BCOR: variants seen among roughly 807,000 people sequenced by gnomAD.
BCOR encodes BCL6 corepressor, also known as BCL-6 corepressor.
A neutral mutation model predicts 86.7 loss-of-function variants in BCOR; 10 were observed. The observed-to-expected ratio is 0.12, with a 90% CI of 0.07 to 0.20. The LOEUF (loss-of-function observed/expected upper bound fraction) is 0.20, where lower values mean the gene tolerates loss of function less well. Ranked by LOEUF, BCOR falls within the 10% of genes least tolerant of loss-of-function variation. The probability of loss-of-function intolerance (pLI) is 1.00; values close to 1 mark genes in which losing one functional copy is unlikely to be tolerated. For synonymous variants in BCOR, 611 were observed against 609.0 expected, an observed-to-expected ratio of 1.00 and a Z score of -0.05; for missense variants, 1,259 against 1,452.1, an observed-to-expected ratio of 0.87 and a Z score of 2.16.
Position 40,064,367 on chromosome X carries a change from C to T in BCOR, c.3471G>A (p.Leu1157=). The change falls in exon 7 of 15, where the codon CTG becomes CTA. Residue 1157 remains leucine (L), a synonymous_variant. Coordinates refer to ENST00000378444, the MANE Select transcript of BCOR (RefSeq NM_001123385.2). Reference sequence around the variant, plus strand: ...AGACTCGTCGGCGTTTGGCTTTCAGCAGAGGGTCCTCTGGCACCTCCTCCG... The same window carrying T: ...AGACTCGTCGGCGTTTGGCTTTCAGTAGAGGGTCCTCTGGCACCTCCTCCG... ...TTAEEVPEDP[L]LKAKRRRVSK... is the part of the protein sequence containing the mutation. 8.2e-7 allele frequency: 1 copy of T among 1,212,480 alleles called. No homozygotes were observed. Among genetic ancestry groups the T allele is most frequent in the Non-Finnish European group, 1.1e-6 (1 of 895,659 alleles).
Position 40,074,785 on chromosome X carries a change from C to T in BCOR, c.561G>A (p.Leu187=). The T allele has an allele frequency of 1.7e-6, 2 of 1,211,917 alleles. No individual in the cohort carries two copies. Among genetic ancestry groups the T allele is most frequent in the Non-Finnish European group, 2.2e-6 (2 of 895,558 alleles). The change falls in exon 4 of 15, where the codon CTG becomes CTA. Residue 187 remains leucine (L), a synonymous_variant. Transcript: ENST00000378444. ...SPLNINGASY[L]RLPWVNPYME... is the part of the protein sequence containing the mutation. Reference sequence around the variant, plus strand: ...TGTAAGGATTGACCCAGGGCAGCCGCAGATAACTAGCACCATTGATGTTGA... The same window carrying T: ...TGTAAGGATTGACCCAGGGCAGCCGTAGATAACTAGCACCATTGATGTTGA...
At chrX:40,091,569 G>A (rs899921772) in intron 1 of BCOR, among the ~76,000 whole-genome samples, 1 of 112,867 alleles carries the variant, frequency 8.9e-6, no homozygotes, top group Admixed American at 9.3e-5. Flanking sequence ...TCGCAGAAAG[G>A]CATCGTTAAT....
upstream of BCOR, among the ~76,000 whole-genome samples, chrX:40,098,437 C>A (rs1048802418): frequency 7.2e-5 from 8 of 110,968 alleles, no homozygotes; most frequent in African/African-American, 2.6e-4. Flanking sequence ...GCGGCGGCGG[C>A]GAGGGCTGCC....
intron 1 of BCOR, among the ~76,000 whole-genome samples, chrX:40,116,225 C>T (rs757043055): frequency 1.3e-3 from 145 of 111,986 alleles, no homozygotes; most frequent in Non-Finnish European, 2.2e-3. Flanking sequence ...TGGCTGGGCG[C>T]GGTGGCTCAC....
At chrX:40,101,355 CAG>C (rs1569178911), upstream of BCOR, among the ~76,000 whole-genome samples, 1 of 111,910 alleles carries the variant, frequency 8.9e-6, no homozygotes, top group Non-Finnish European at 1.9e-5. Context: ...TCAATGAAAA[CAG>C]AGGAGGAGGA....
At position 40,077,856 on chromosome X, in the gene BCOR, G is replaced by A. The variant is rs757971608; in HGVS notation, c.74C>T (p.Ala25Val). 5.8e-6 allele frequency: 7 copies of A among 1,211,395 alleles called. No homozygotes were observed. The highest frequency in any genetic ancestry group is 2.2e-5 in the Admixed American group (1 of 46,113). The change falls in exon 2 of 15, where the codon GCG (alanine) becomes GTG (valine). Residue 25 changes from alanine to valine, a missense_variant. By Grantham distance (64) the Ala-to-Val change is moderately conservative. Transcript: ENST00000378444. The part of the protein sequence containing the change: ...MNSERVRMCG[A>V]SEDRKILVND... ...TGGGCGCATTCACCTGTCTTCGCTC[G>A]CCCCACACATGCGGACCCTCTCGCT... is the stretch of plus-strand genomic sequence containing the variant.
At chrX:40,059,223 G>A (rs1010712884) in intron 10 of BCOR, among the ~76,000 whole-genome samples, 1 of 112,118 alleles carries the variant, frequency 8.9e-6, no homozygotes, top group Non-Finnish European at 1.9e-5. Flanking sequence ...ATTGGCCACC[G>A]TAACACTTCT....
intron 1 of BCOR, among the ~76,000 whole-genome samples, chrX:40,168,926 G>T (rs894381022): frequency 1.2e-4 from 13 of 112,013 alleles, no homozygotes; most frequent in Admixed American, 3.7e-4. Context: ...TCCCCCGCCC[G>T]CCCGCCCTGG....
chrX:40,166,914 C>T (rs1228911923), intron 1 of BCOR, among the ~76,000 whole-genome samples: 3 of 111,546 alleles, frequency 2.7e-5, no homozygotes, highest in Non-Finnish European at 5.7e-5. Context: ...CTCTGAGGCT[C>T]CTGACCCCAG....
In BCOR at chrX:40,097,697, C is replaced by T. The variant is rs1475170753; in HGVS notation, c.-523G>A. ...GAGCCCCAGCGCCATGTTGACGGTTCGCCGCGAGCGCCCGCTCGGGCTGGG... is the reference window on the plus strand; with the variant it reads ...GAGCCCCAGCGCCATGTTGACGGTTTGCCGCGAGCGCCCGCTCGGGCTGGG... On this transcript the variant is annotated 5_prime_UTR_variant, in exon 1 of 15. Transcript: ENST00000378444. Among the ~76,000 whole-genome samples, 1 of 110,896 alleles carries T rather than the reference C, an allele frequency of 9.0e-6. No individual in the cohort carries two copies. Among genetic ancestry groups the T allele is most frequent in the Non-Finnish European group, 1.9e-5 (1 of 52,454 alleles).
intron 1 of BCOR, among the ~76,000 whole-genome samples, chrX:40,127,873 TAAATAA>T (rs1359880174): frequency 5.4e-5 from 5 of 91,835 alleles, no homozygotes; most frequent in Non-Finnish European, 8.3e-5. Context: ...AATAAATAAA[TAAATAA>T]ATAAATAAAT....
intron 1 of BCOR, among the ~76,000 whole-genome samples, chrX:40,176,488 GACT>G (rs1180959884): frequency 8.9e-6 from 1 of 112,545 alleles, no homozygotes; most frequent in Non-Finnish European, 1.9e-5. Flanking sequence ...CAAGGCCGGC[GACT>G]ACAAGAGCGG....
intron 1 of BCOR, among the ~76,000 whole-genome samples, chrX:40,103,032 T>C (rs1937100093): frequency 9.1e-6 from 1 of 109,512 alleles, no homozygotes; most frequent in Admixed American, 9.5e-5. Context: ...GTGCTCATCC[T>C]CCTCTCCATA....
intron 1 of BCOR, among the ~76,000 whole-genome samples, chrX:40,164,939 T>C (rs1328803734): frequency 4.5e-5 from 5 of 111,742 alleles, no homozygotes; most frequent in Non-Finnish European, 9.4e-5. Context: ...ATTTCCTCCT[T>C]CTCTGAGCCA....
At chrX:40,169,628 A>T (rs1236200524) in intron 1 of BCOR, among the ~76,000 whole-genome samples, 1 of 110,598 alleles carries the variant, frequency 9.0e-6, no homozygotes, top group African/African-American at 3.3e-5. Flanking sequence ...AAAAACAAAA[A>T]CCAGGAGGAG....
rs764534862 is a variant in BCOR at position 40,073,656 on chromosome X, C to A, written c.1690G>T (p.Ala564Ser). The A allele has an allele frequency of 2.5e-6, 3 of 1,212,478 alleles. No individual in the cohort carries two copies. Among genetic ancestry groups the A allele is most frequent in the Non-Finnish European group, 3.3e-6 (3 of 895,685 alleles). The change falls in exon 4 of 15, where the codon GCA becomes TCA. Residue 564 changes from alanine (A) to serine (S), a missense_variant. Ala to Ser is a moderately conservative substitution (Grantham distance 99). Coordinates refer to ENST00000378444, the MANE Select transcript of BCOR (RefSeq NM_001123385.2). ...GGTGATGCGGAGGCTGGGCGGCCTG[C>A]ACTCGACACTGACCCTGAAACGTTA... Reference protein sequence around the residue: ...ITNVSGSVSSAGRPASASPAP... With the variant: ...ITNVSGSVSSSGRPASASPAP...
intron 1 of BCOR, among the ~76,000 whole-genome samples, chrX:40,084,730 A>C (rs1333442103): frequency 2.0e-5 from 2 of 99,402 alleles, no homozygotes; most frequent in Non-Finnish European, 4.0e-5. Context: ...CCACCACCGA[A>C]GGGAACAAGC....
intron 1 of BCOR, among the ~76,000 whole-genome samples, chrX:40,088,205 C>T (rs769971503): frequency 8.9e-6 from 1 of 112,367 alleles, no homozygotes; most frequent in Non-Finnish European, 1.9e-5. Context: ...GCCCCTAGGG[C>T]AAAGGTTAAG....
At chrX:40,113,593 C>T (rs5963158) in intron 1 of BCOR, among the ~76,000 whole-genome samples, 50,319 of 108,629 alleles carry the variant, frequency 0.46, 11,595 homozygotes, top group African/African-American at 0.88. Context: ...TGGGAGGTCA[C>T]CTCCCTCAGC....
Sources: allele counts gnomAD v4.1 joint callset (sites outside exome capture counted in the v4.1 genomes callset), GRCh38; gene constraint gnomAD v4.1.1; transcripts MANE v1.5; gene names NCBI Gene and HGNC (gene_info 2026-07-23, HGNC 2026-07-21).